LRBA: variants seen among roughly 807,000 people sequenced by gnomAD.
LRBA encodes lipopolysaccharide-responsive and beige-like anchor protein.
In LRBA, 176 loss-of-function variants were observed where a neutral mutation model predicts 330.0. That is an observed-to-expected ratio of 0.53 (90% CI 0.47 to 0.60). The LOEUF is 0.60. LRBA is among the 20% of genes least tolerant of loss of function. The pLI, the probability that LRBA is intolerant of heterozygous loss-of-function variation, is 0.00. For synonymous variants in LRBA, 1,230 were observed against 1,193.0 expected (o/e 1.03, Z -0.64); for missense variants, 3,259 against 3,444.8 (o/e 0.95, Z 1.35).
intron 40 of LRBA, among the ~76,000 whole-genome samples, chr4:150,536,477 G>A (rs1764668213): frequency 6.6e-6 from 1 of 152,066 alleles, no homozygotes. Flanking sequence ...GGTCGATTTT[G>A]GGGCACAAAG....
intron 56 of LRBA, 62 bp downstream of exon 56, chr4:150,277,791 C>T: frequency 6.5e-7 from 1 of 1,531,040 alleles, no homozygotes; most frequent in Non-Finnish European, 9.0e-7. Flanking sequence ...TGTAAGCCAA[C>T]ACGACCAGTC....
rs748229750 is a variant in LRBA, at chr4:150,277,929, AC to A, written c.8391del (p.Ser2798ArgfsTer68). ...GDRGVVVVRQ[V>X]SDLKQLFAYP... ...TAGGCAAAGAGCTGCTTGAGGTCCG[AC>A]ACCTGCCGGACCACGACCACTCCTC... On this transcript the variant is annotated frameshift_variant, in exon 56 of 57. Coordinates refer to ENST00000651943, the MANE Select transcript of LRBA (RefSeq NM_001364905.1). LOFTEE classifies it high-confidence loss of function. 1 of 1,613,968 alleles carries A rather than the reference AC, an allele frequency of 6.2e-7. No homozygotes were observed. Among genetic ancestry groups the A allele is most frequent in the Admixed American group, 1.7e-5 (1 of 60,020 alleles).
At chr4:150,500,728 C>T (rs561554312) in intron 40 of LRBA, among the ~76,000 whole-genome samples, 17 of 152,180 alleles carry the variant, frequency 1.1e-4, no homozygotes, top group Non-Finnish European at 1.8e-4. Flanking sequence ...ACCTAAGCTA[C>T]TTAAACAAAT....
At chr4:150,482,598 A>C (rs1757412552) in intron 42 of LRBA, among the ~76,000 whole-genome samples, 1 of 152,090 alleles carries the variant, frequency 6.6e-6, no homozygotes, top group Non-Finnish European at 1.5e-5. Context: ...GGTTAATTCT[A>C]TATGAAAGTG....
At chr4:150,354,645 A>G (rs4458434) in intron 47 of LRBA, among the ~76,000 whole-genome samples, 123,152 of 151,982 alleles carry the variant, frequency 0.81, 51,099 homozygotes, top group Non-Finnish European at 0.92. Flanking sequence ...AGACTATCAT[A>G]TGAAGCCTCA....
intron 5 of LRBA, among the ~76,000 whole-genome samples, chr4:150,918,955 C>T (rs891508322): frequency 6.6e-6 from 1 of 152,154 alleles, no homozygotes; most frequent in African/African-American, 2.4e-5. Context: ...AAATTGTACA[C>T]TAATGTCCAT....
intron 9 of LRBA, among the ~76,000 whole-genome samples, chr4:150,911,997 C>G (rs1732048789): frequency 6.6e-6 from 1 of 152,040 alleles, no homozygotes; most frequent in Admixed American, 6.5e-5. Context: ...TCATAGCATT[C>G]TCTTATAATT....
intron 34 of LRBA, among the ~76,000 whole-genome samples, chr4:150,777,510 T>C (rs1428570578): frequency 6.6e-6 from 1 of 152,204 alleles, no homozygotes. Context: ...GATGTAGTTA[T>C]CTATGCCCTT....
chr4:150,723,999 A>G (rs1729315018), intron 36 of LRBA, among the ~76,000 whole-genome samples: 5 of 152,242 alleles, frequency 3.3e-5, no homozygotes, highest in Admixed American at 3.3e-4. Context: ...AGAGTAGGAA[A>G]GACTTTGTAT....
At chr4:150,556,866 C>T (rs1272964660) in intron 40 of LRBA, among the ~76,000 whole-genome samples, 1 of 152,094 alleles carries the variant, frequency 6.6e-6, no homozygotes, top group Admixed American at 6.5e-5. Context: ...GCAATCAAAA[C>T]AAGGCCTACA....
chr4:150,587,874 A>G (rs536715184), intron 40 of LRBA, among the ~76,000 whole-genome samples, 174 bp downstream of exon 40: 1 of 152,192 alleles, frequency 6.6e-6, no homozygotes, highest in Non-Finnish European at 1.5e-5. Flanking sequence ...GAACTTCAAT[A>G]ATCTAACTAA....
At chr4:151,003,605 C>A (rs1288178927) in intron 2 of LRBA, among the ~76,000 whole-genome samples, 2 of 151,712 alleles carry the variant, frequency 1.3e-5, no homozygotes, top group Non-Finnish European at 2.9e-5. Context: ...AGACAATCCC[C>A]CCAGCCCCCG....
chr4:150,822,883 A>G (rs1280682195), intron 30 of LRBA, among the ~76,000 whole-genome samples: 2 of 152,216 alleles, frequency 1.3e-5, no homozygotes, highest in Non-Finnish European at 2.9e-5. Flanking sequence ...CATCTCTACT[A>G]AAAATACAAA....
intron 42 of LRBA, among the ~76,000 whole-genome samples, chr4:150,483,616 G>A (rs1757543829): frequency 6.6e-6 from 1 of 151,736 alleles, no homozygotes; most frequent in South Asian, 2.1e-4. Flanking sequence ...TTACAGGTGT[G>A]AGCCACCATG....
At chr4:150,810,963 T>C (rs1743636944) in intron 31 of LRBA, among the ~76,000 whole-genome samples, 1 of 152,202 alleles carries the variant, frequency 6.6e-6, no homozygotes, top group Admixed American at 6.5e-5. Flanking sequence ...AATATTGCTA[T>C]TTTTGTGTTT....
intron 49 of LRBA, among the ~76,000 whole-genome samples, chr4:150,322,617 A>G (rs1021850786): frequency 6.6e-5 from 10 of 152,238 alleles, no homozygotes; most frequent in African/African-American, 2.4e-4. Context: ...TAAAAAAGTT[A>G]TTAAGAGTAC....
intron 30 of LRBA, among the ~76,000 whole-genome samples, chr4:150,819,548 G>A (rs1402402441): frequency 6.6e-6 from 1 of 152,024 alleles, no homozygotes; most frequent in Non-Finnish European, 1.5e-5. Context: ...ATGGATACAT[G>A]GTGAAGCAAA....
chr4:150,655,642 T>C (rs1780111976), intron 37 of LRBA, among the ~76,000 whole-genome samples: 2 of 152,196 alleles, frequency 1.3e-5, no homozygotes, highest in Admixed American at 6.5e-5. Context: ...AAACCAAAAG[T>C]TTGCTGTCAA....
At chr4:150,627,520 A>G (rs1776977092) in intron 37 of LRBA, among the ~76,000 whole-genome samples, 1 of 152,026 alleles carries the variant, frequency 6.6e-6, no homozygotes. Context: ...TAAGGTCAAA[A>G]TTAGCAATCT....
Sources: allele counts gnomAD v4.1 joint callset (sites outside exome capture counted in the v4.1 genomes callset), GRCh38; gene constraint gnomAD v4.1.1; transcripts MANE v1.5; gene names NCBI Gene and HGNC (gene_info 2026-07-23, HGNC 2026-07-21).